The following MOXD1 variants were observed in gnomAD, a reference collection of about 807,000 sequenced individuals.
MOXD1 encodes the protein monooxygenase DBH like 1.
In MOXD1, 62 loss-of-function variants were observed where a neutral mutation model predicts 66.6. The observed-to-expected ratio is 0.93, with a 90% confidence interval of 0.76 to 1.15. The LOEUF is 1.15. Ranked by LOEUF, MOXD1 falls within the 50% of genes most tolerant of loss-of-function variation. The probability of loss-of-function intolerance (pLI) is 0.00; values close to 1 mark genes in which losing one functional copy is unlikely to be tolerated. For synonymous variants in MOXD1, 303 were observed against 281.9 expected (o/e 1.07, Z -0.75); for missense variants, 847 against 754.6 (o/e 1.12, Z -1.44).
chr6:132,306,450 A>T (rs947171960), intron 10 of MOXD1, among the ~76,000 whole-genome samples: 2 of 152,212 alleles, frequency 1.3e-5, no homozygotes, highest in Non-Finnish European at 2.9e-5. Flanking sequence ...TCGGGATATT[A>T]TCCGGGAGAA....
chr6:132,370,748 T>C (rs1776247606), intron 4 of MOXD1, among the ~76,000 whole-genome samples: 1 of 152,146 alleles, frequency 6.6e-6, no homozygotes, highest in South Asian at 2.1e-4. Context: ...ATGCCTTTCA[T>C]GTTAATGCAA....
intron 10 of MOXD1, among the ~76,000 whole-genome samples, chr6:132,310,964 T>A (rs1774817125): frequency 6.8e-6 from 1 of 148,048 alleles, no homozygotes; most frequent in Admixed American, 6.6e-5. Context: ...TCCCGTTTTT[T>A]GTTTGTTTGT....
intron 1 of MOXD1, among the ~76,000 whole-genome samples, chr6:132,375,222 C>A (rs1328328667): frequency 6.6e-6 from 1 of 152,154 alleles, no homozygotes; most frequent in Non-Finnish European, 1.5e-5. Context: ...CTTCACCATT[C>A]ATAAAAGCAA....
In MOXD1 at chr6:132,370,170, G is replaced by A. The variant is rs533166904; in HGVS notation, c.663+2438C>T. On this transcript the variant is annotated intron_variant, in intron 4 of 11. Transcript: ENST00000367963. ...AACATAAAATGAAAAATAAGGAGAA[G>A]CTCTTAACTGATGGCTTTTCAAAAC... is the stretch of plus-strand genomic sequence containing the variant. Among the ~76,000 whole-genome samples, 40 of 152,156 alleles carry A rather than the reference G, an allele frequency of 2.6e-4. No homozygotes were observed. In the East Asian group the frequency reaches 7.7e-3, roughly 29 times the overall value.
At chr6:132,314,209 T>G (rs1297920386) in intron 10 of MOXD1, among the ~76,000 whole-genome samples, 5 of 152,204 alleles carry the variant, frequency 3.3e-5, no homozygotes, top group Non-Finnish European at 7.3e-5. Flanking sequence ...CTCTGCTCTA[T>G]CCCTCACTGC....
chr6:132,329,769 T>C (rs181582595), intron 4 of MOXD1, among the ~76,000 whole-genome samples: 2 of 152,244 alleles, frequency 1.3e-5, no homozygotes, highest in African/African-American at 2.4e-5. Context: ...ACAAGGAAAC[T>C]TACTGCAAGT....
chr6:132,397,365 T>C (rs1776908889), intron 1 of MOXD1, among the ~76,000 whole-genome samples: 1 of 152,262 alleles, frequency 6.6e-6, no homozygotes, highest in Admixed American at 6.5e-5. Context: ...ACCCATTTCC[T>C]GGCATAGAAT....
At chr6:132,298,765 A>C (rs112285213) in intron 10 of MOXD1, among the ~76,000 whole-genome samples, 18 of 147,062 alleles carry the variant, frequency 1.2e-4, no homozygotes, top group African/African-American at 3.3e-4. Context: ...GCAAAAAAAA[A>C]CAACAACTGA....
chr6:132,315,041 T>G (rs971001902), intron 10 of MOXD1, among the ~76,000 whole-genome samples: 1 of 152,222 alleles, frequency 6.6e-6, no homozygotes, highest in Non-Finnish European at 1.5e-5. Context: ...AAACTTTCTC[T>G]AATGATAAGA....
chr6:132,309,073 T>C (rs984448741), intron 10 of MOXD1, among the ~76,000 whole-genome samples: 1 of 152,296 alleles, frequency 6.6e-6, no homozygotes, highest in African/African-American at 2.4e-5. Flanking sequence ...AGAGAGGAAG[T>C]CAAATTATCT....
chr6:132,384,282 CTTCCTTCCTCCT>C (rs1167108636), intron 1 of MOXD1, among the ~76,000 whole-genome samples: 2 of 78,674 alleles, frequency 2.5e-5, no homozygotes, highest in African/African-American at 4.7e-5. Flanking sequence ...TCCTTCCTTC[CTTCCTTCCTCCT>C]TCCTTCCTCC....
At chr6:132,374,232 G>A (rs1776326790) in intron 2 of MOXD1, among the ~76,000 whole-genome samples, 1 of 152,122 alleles carries the variant, frequency 6.6e-6, no homozygotes, top group African/African-American at 2.4e-5. Context: ...TTACAAAGAT[G>A]AGTCCATTAC....
chr6:132,310,385 A>G (rs1277694455), intron 10 of MOXD1, among the ~76,000 whole-genome samples: 1 of 152,232 alleles, frequency 6.6e-6, no homozygotes, highest in Non-Finnish European at 1.5e-5. Context: ...GAATGCTTTT[A>G]CACTGTTGGT....
Position 132,297,301 on chromosome 6 carries a change from G to A in MOXD1, c.1694C>T (p.Ala565Val). The A allele has an allele frequency of 6.2e-7, 1 of 1,612,690 alleles. No individual in the cohort carries two copies. Residue 565 changes from alanine to valine, a missense_variant, in exon 12 of 12, where the codon GCA (alanine) becomes GTA (valine). Coordinates refer to ENST00000367963, the MANE Select transcript of MOXD1 (RefSeq NM_015529.4). ...NAEWSIQGMT[A>V]LPPDIERPYK... ...GGGTCTTTCTATATCTGGAGGTAATGCTGTCATTCCTTGAATCTGAAAATG... is the reference window on the plus strand; with the variant it reads ...GGGTCTTTCTATATCTGGAGGTAATACTGTCATTCCTTGAATCTGAAAATG...
intron 4 of MOXD1, among the ~76,000 whole-genome samples, chr6:132,339,614 C>T (rs1029374904): frequency 2.0e-5 from 3 of 152,186 alleles, no homozygotes; most frequent in Non-Finnish European, 2.9e-5. Flanking sequence ...TAAGAATGAT[C>T]CCCAACTTCC....
intron 4 of MOXD1, among the ~76,000 whole-genome samples, chr6:132,344,801 A>T (rs77267893): frequency 1.3e-5 from 2 of 152,144 alleles, no homozygotes; most frequent in African/African-American, 4.8e-5. Flanking sequence ...CTTTGAGTTG[A>T]GAGCACTACC....
intron 4 of MOXD1, among the ~76,000 whole-genome samples, chr6:132,345,594 T>C (rs1775652998): frequency 6.6e-6 from 1 of 152,204 alleles, no homozygotes; most frequent in East Asian, 1.9e-4. Flanking sequence ...CATACTTAAT[T>C]AGATAATAGT....
At chr6:132,303,866 TATATATATATATAC>T (rs1273462493) in intron 10 of MOXD1, among the ~76,000 whole-genome samples, 130 of 52,240 alleles carry the variant, frequency 2.5e-3, no homozygotes, top group African/African-American at 0.02. Context: ...TATATATATA[TATATATATATATAC>T]ATATATACAT....
chr6:132,386,403 AAAAAC>A (rs1161699976), intron 1 of MOXD1, among the ~76,000 whole-genome samples: 113 of 147,404 alleles, frequency 7.7e-4, no homozygotes, highest in African/African-American at 1.9e-3. Context: ...CTCCGTCTCA[AAAAAC>A]AAAACAAAAC....
Sources: allele counts gnomAD v4.1 joint callset (sites outside exome capture counted in the v4.1 genomes callset), GRCh38; gene constraint gnomAD v4.1.1; transcripts MANE v1.5; gene names NCBI Gene and HGNC (gene_info 2026-07-23, HGNC 2026-07-21).